TNXB: variants seen among roughly 807,000 people sequenced by gnomAD.
TNXB encodes tenascin-X.
In TNXB, 183 loss-of-function variants were observed where a neutral mutation model predicts 340.5. That is an observed-to-expected ratio of 0.54 (90% confidence interval 0.48 to 0.61). TNXB has a LOEUF of 0.61. Ranked by LOEUF, TNXB falls within the 20% of genes least tolerant of loss-of-function variation. The pLI is 0.00. For synonymous variants in TNXB, 2,121 were observed against 2,314.5 expected (o/e 0.92, Z 2.40); for missense variants, 4,613 against 5,446.4 (o/e 0.85, Z 4.82).
At position 32,055,983 on chromosome 6, in the gene TNXB, C is replaced by T. The variant is rs538860553; in HGVS notation, c.8335G>A (p.Val2779Met). The change falls in exon 24 of 44, where the codon GTG (valine) becomes ATG (methionine). Residue 2779 changes from valine (V) to methionine (M), a missense_variant. Around this residue, in one of 7 missense-constraint regions of TNXB, gnomAD observed 4,327 missense variants for 4,859.4 expected, o/e 0.89. Coordinates refer to ENST00000644971, the MANE Select transcript of TNXB (RefSeq NM_001365276.2). Reference sequence around the variant, plus strand: ...CTCTCCTCGCCCCTGACACGCATCACCTGGGGCCGCCCGTCCCTGTCCTTG... The same window carrying T: ...CTCTCCTCGCCCCTGACACGCATCATCTGGGGCCGCCCGTCCCTGTCCTTG... ...QYKDRDGRPQ[V>M]MRVRGEESEV... 1.2e-6 allele frequency: 2 copies of T among 1,613,408 alleles called. No homozygotes were observed. The highest frequency in any genetic ancestry group is 1.3e-5 in the African/African-American group (1 of 75,044).
Position 32,055,978 on chromosome 6 carries a change from CA to C in TNXB, c.8339del (p.Met2780SerfsTer42). 1 of 1,613,486 alleles carries C rather than the reference CA, an allele frequency of 6.2e-7. No individual in the cohort carries two copies. ...CCTCGCTCTCCTCGCCCCTGACACG[CA>C]TCACCTGGGGCCGCCCGTCCCTGTC... ...YKDRDGRPQV[M>X]RVRGEESEVT... On this transcript the variant is annotated frameshift_variant, in exon 24 of 44. Transcript: ENST00000644971. LOFTEE classifies it high-confidence loss of function.
chr6:32,063,313 G>A (rs775801482), intron 19 of TNXB, among the ~76,000 whole-genome samples: 1 of 152,046 alleles, frequency 6.6e-6, no homozygotes, highest in Non-Finnish European at 1.5e-5. Context: ...GCTTGGACCT[G>A]GGAGGCAGAG....
rs1475344186 is a variant in TNXB at position 32,098,126 on chromosome 6, G to C, written c.73C>G (p.Pro25Ala). 1 of 1,592,738 alleles carries C rather than the reference G, an allele frequency of 6.3e-7. No individual in the cohort carries two copies. The highest frequency in any genetic ancestry group is 2.2e-5 in the East Asian group (1 of 44,524). The change falls in exon 2 of 44, where the codon CCC (proline) becomes GCC (alanine). Residue 25 changes from proline to alanine, a missense_variant. Pro to Ala is a conservative substitution (Grantham distance 27). Transcript: ENST00000644971. ...LVLLSTARAG[P>A]FSSRSNVTLP... is the part of the protein sequence containing the mutation. ...GTCACATTGGACCGTGAAGAGAAGGGGCCTGCTCTGGCTGTGCTCAGCAGC... is the reference window on the plus strand; with the variant it reads ...GTCACATTGGACCGTGAAGAGAAGGCGCCTGCTCTGGCTGTGCTCAGCAGC...
At chr6:32,088,160 C>G (rs373379731) in intron 6 of TNXB, among the ~76,000 whole-genome samples, 7 of 152,256 alleles carry the variant, frequency 4.6e-5, no homozygotes, top group Admixed American at 4.6e-4. Flanking sequence ...GTCCCGCAGC[C>G]CCCCCATTCC....
At chr6:32,054,042 G>A (rs1260680018) in intron 24 of TNXB, among the ~76,000 whole-genome samples, 1 of 152,010 alleles carries the variant, frequency 6.6e-6, no homozygotes, top group African/African-American at 2.4e-5. Flanking sequence ...TGTTCACTGG[G>A]CTTCTGTCTT....
At chr6:32,065,193 T>C in intron 18 of TNXB, 76 bp from the exon 19 acceptor site, 1 of 1,338,282 alleles carries the variant, frequency 7.5e-7, no homozygotes, top group African/African-American at 1.5e-5. Flanking sequence ...TGAATTCAGG[T>C]CAGAAGGTGG....
rs369995604 is a variant in TNXB at position 32,053,440 on chromosome 6, G to A, written c.8739C>T (p.Tyr2913=). ...CCACGCGCTGGCCACCGTGGAAGCC[G>A]TACAGGTTCATCTTGTACTTGTGGT... ...EPDHKYKMNL[Y]GFHGGQRVGP... Residue 2913 remains tyrosine, a synonymous_variant, in exon 25 of 44, where the codon TAC becomes TAT. Transcript: ENST00000644971. 13 of 1,613,054 alleles carry A rather than the reference G, an allele frequency of 8.1e-6. No individual in the cohort carries two copies. The highest frequency in any genetic ancestry group is 2.7e-5 in the African/African-American group (2 of 74,910).
Position 32,081,203 on chromosome 6 carries a change from C to T in TNXB, c.4042+165G>A, listed in dbSNP as rs1779404861. The stretch of plus-strand genomic sequence containing the variant: ...GGAGGTGGAGGCTGGATGAGGGGGA[C>T]CTGGCATGCAGAGGACAGGAGAGCA... On this transcript the variant is annotated intron_variant, in intron 10 of 43. Coordinates refer to ENST00000644971, the MANE Select transcript of TNXB (RefSeq NM_001365276.2). This position sits in a 1 kb window ranked among gnomAD's most constrained non-coding sequence, Gnocchi z 5.1. Among the ~76,000 whole-genome samples, 1 of 152,008 alleles carries T rather than the reference C, an allele frequency of 6.6e-6. No individual in the cohort carries two copies. Among genetic ancestry groups the T allele is most frequent in the South Asian group, 2.1e-4 (1 of 4,810 alleles).
chr6:32,081,486 C>A lies in TNXB; in HGVS notation c.3924G>T (p.Ala1308=), dbSNP rs745464565. ...GGACAGTAACCTCATTCTCATCCCC[C>A]GCAACAGGCACTGCCTGGGGCTGCC... ...AQGQPQAVPV[A]GDENEVTVPG... Residue 1308 remains alanine (A), a synonymous_variant, in exon 10 of 44, where the codon GCG becomes GCT. Coordinates refer to ENST00000644971, the MANE Select transcript of TNXB (RefSeq NM_001365276.2). The surrounding 1 kb of genome is among the most constrained non-coding windows in gnomAD (Gnocchi z 5.1). The A allele has an allele frequency of 4.4e-6, 7 of 1,604,888 alleles. No individual in the cohort carries two copies. The highest frequency in any genetic ancestry group is 6.0e-6 in the Non-Finnish European group (7 of 1,175,852).
Position 32,097,021 on chromosome 6 carries a change from T to C in TNXB, c.832A>G (p.Arg278Gly). The C allele has an allele frequency of 6.2e-7, 1 of 1,606,930 alleles. No individual in the cohort carries two copies. Among genetic ancestry groups the C allele is most frequent in the Admixed American group, 1.7e-5 (1 of 59,472 alleles). ...TGACTGCAACCGCGAGGGCAGCTCCTCATGCCACAGTCGTCACCAGTGTAG... is the reference window on the plus strand; with the variant it reads ...TGACTGCAACCGCGAGGGCAGCTCCCCATGCCACAGTCGTCACCAGTGTAG... ...PGYTGDDCGM[R>G]SCPRGCSQRG... The change falls in exon 3 of 44, where the codon AGG becomes GGG. Residue 278 changes from arginine (R) to glycine (G), a missense_variant. Coordinates refer to ENST00000644971, the MANE Select transcript of TNXB (RefSeq NM_001365276.2). This position sits in a 1 kb window ranked among gnomAD's most constrained non-coding sequence, Gnocchi z 5.9.
Position 32,072,016 on chromosome 6 carries a change from C to T in TNXB, c.4964G>A (p.Ser1655Asn). 1.2e-6 allele frequency: 2 copies of T among 1,607,004 alleles called. No homozygotes were observed. Among genetic ancestry groups the T allele is most frequent in the Non-Finnish European group, 1.7e-6 (2 of 1,176,532 alleles). The change falls in exon 13 of 44, where the codon AGC becomes AAC. Residue 1655 changes from serine (S) to asparagine (N), a missense_variant. By Grantham distance (46) the Ser-to-Asn change is conservative. Coordinates refer to ENST00000644971, the MANE Select transcript of TNXB (RefSeq NM_001365276.2). This position sits in a 1 kb window ranked among gnomAD's most constrained non-coding sequence, Gnocchi z 4.4. ...LFGIQDGKRR[S>N]PVSVEAKTVA... is the part of the protein sequence containing the mutation. ...CGTCTTTGCCTCCACAGAGACTGGG[C>T]TGCGTCGTTTCCCATCCTGGATCCC...
rs1331625871 is a variant in TNXB at position 32,068,610 on chromosome 6, A to G, written c.6000T>C (p.Pro2000=). 3.1e-6 allele frequency: 5 copies of G among 1,613,844 alleles called. No homozygotes were observed. The highest frequency in any genetic ancestry group is 2.2e-5 in the East Asian group (1 of 44,862). ...CTGTCCAGGACAGGCTGAGGGAGTC[A>G]GGGGTGGCATCTGTCACGGTCAGCT... The part of the protein sequence containing the change: ...LGELTVTDAT[P]DSLSLSWTVP... Residue 2000 remains proline, a synonymous_variant, in exon 17 of 44, where the codon CCT becomes CCC. Coordinates refer to ENST00000644971, the MANE Select transcript of TNXB (RefSeq NM_001365276.2). The surrounding 1 kb of genome is among the most constrained non-coding windows in gnomAD (Gnocchi z 5.3).
intron 18 of TNXB, among the ~76,000 whole-genome samples, chr6:32,065,450 A>G (rs1431642620): frequency 6.6e-6 from 1 of 152,006 alleles, no homozygotes; most frequent in African/African-American, 2.4e-5. Context: ...TTAAAATTTC[A>G]GTTTTCTCAA....
intron 6 of TNXB, 142 bp downstream of exon 6, chr6:32,088,643 G>T: frequency 8.1e-7 from 1 of 1,227,130 alleles, no homozygotes; most frequent in Non-Finnish European, 1.1e-6. Flanking sequence ...GACAGAGCAA[G>T]GCCCCCAGCA....
chr6:32,096,460 T>G lies in TNXB; in HGVS notation c.1393A>C (p.Ser465Arg). Residue 465 changes from serine to arginine, a missense_variant, in exon 3 of 44, where the codon AGC becomes CGC. Ser to Arg is a moderately radical substitution (Grantham distance 110). This residue lies in a region of TNXB where 4,327 missense variants were observed against 4,859.4 expected (regional missense o/e 0.89). Coordinates refer to ENST00000644971, the MANE Select transcript of TNXB (RefSeq NM_001365276.2). ...GYSGEDCGVR[S>R]CPGDCRGRGR... ...CGGCCACGACAGTCCCCAGGACAGC[T>G]GCGCACACCGCAGTCCTCGCCGCTG... is the stretch of plus-strand genomic sequence containing the variant. 1 of 1,598,770 alleles carries G rather than the reference T, an allele frequency of 6.3e-7. No individual in the cohort carries two copies. Among genetic ancestry groups the G allele is most frequent in the South Asian group, 1.1e-5 (1 of 90,756 alleles).
At chr6:32,076,876 G>C (rs1779109851) in intron 11 of TNXB, among the ~76,000 whole-genome samples, 1 of 152,164 alleles carries the variant, frequency 6.6e-6, no homozygotes. Context: ...CAGCTACTTG[G>C]GGGGCTGAGG....
At chr6:32,098,783 C>T (rs1206544982) in intron 1 of TNXB, among the ~76,000 whole-genome samples, 2 of 152,132 alleles carry the variant, frequency 1.3e-5, no homozygotes, top group African/African-American at 2.4e-5. Flanking sequence ...CCCGGCTCTA[C>T]ACTGGTCTTT....
Position 32,082,298 on chromosome 6 carries a change from A to G in TNXB, c.3474T>C (p.Thr1158=). 5 of 1,600,526 alleles carry G rather than the reference A, an allele frequency of 3.1e-6. No homozygotes were observed. Among genetic ancestry groups the G allele is most frequent in the Non-Finnish European group, 4.3e-6 (5 of 1,172,324 alleles). ...ILPQSDPSPG[T]PPHLGNLWVT... ...CCCACAGGTTTCCCAGGTGGGGTGG[A>G]GTCCCTGGACTTGGGTCACTCTGAG... The change falls in exon 9 of 44, where the codon ACT becomes ACC. Residue 1158 remains threonine (T), a synonymous_variant. Transcript: ENST00000644971. The surrounding 1 kb of genome is among the most constrained non-coding windows in gnomAD (Gnocchi z 5.0).
At position 32,058,195 on chromosome 6, in the gene TNXB, G is replaced by A. The variant is rs1777790559; in HGVS notation, c.7688C>T (p.Pro2563Leu). Residue 2563 changes from proline (P) to leucine (L), a missense_variant, in exon 22 of 44, where the codon CCC (proline) becomes CTC (leucine). Transcript: ENST00000644971. This position sits in a 1 kb window ranked among gnomAD's most constrained non-coding sequence, Gnocchi z 5.1. ...CTGGCCCCCAACACGCACCGCCTGG[G>A]GCCGCCCGTCCCTGTCCTTGTACTG... The part of the protein sequence containing the change: ...TVQYKDRDGR[P>L]QAVRVGGQES... The A allele has an allele frequency of 6.2e-7, 1 of 1,612,386 alleles. No individual in the cohort carries two copies. Among genetic ancestry groups the A allele is most frequent in the Non-Finnish European group, 8.5e-7 (1 of 1,179,846 alleles).
Sources: gnomAD v4.1 joint callset for allele counts (sites outside exome capture counted in the v4.1 genomes callset) on GRCh38, gnomAD v4.1.1 for gene constraint, gnomAD v4.1.1 regional missense constraint, Gnocchi (gnomAD v3.1) non-coding constraint, MANE v1.5 for transcripts, NCBI Gene and HGNC (gene_info 2026-07-23, HGNC 2026-07-21) for gene names.